Variants in SEMA3A observed in about 807,000 individuals in gnomAD.
SEMA3A encodes semaphorin 3A.
SEMA3A carries 29 observed loss-of-function variants against 97.9 expected under a neutral mutation model. The observed-to-expected ratio is 0.30, with a 90% confidence interval of 0.22 to 0.40. SEMA3A has a LOEUF of 0.40. Among genes scored for constraint, SEMA3A ranks in the 10% least tolerant of loss-of-function variants. SEMA3A has a pLI of 1.00. For missense variants in SEMA3A, 763 were observed against 951.3 expected, an observed-to-expected ratio of 0.80 and a Z score of 2.60; for synonymous variants, 321 against 323.7, an observed-to-expected ratio of 0.99 and a Z score of 0.09.
chr7:84,278,714 A>G (rs1427486004), intron 3 of SEMA3A, among the ~76,000 whole-genome samples: 1 of 152,072 alleles, frequency 6.6e-6, no homozygotes, highest in Non-Finnish European at 1.5e-5. Context: ...GAGGCGCCTC[A>G]CTTTTAAACA....
At chr7:84,260,729 G>A (rs534225469) in intron 3 of SEMA3A, among the ~76,000 whole-genome samples, 2 of 152,300 alleles carry the variant, frequency 1.3e-5, no homozygotes, top group African/African-American at 2.4e-5. Context: ...GGAGGCCAAG[G>A]GGGGGACTGA....
chr7:84,082,570 T>C (rs562808076), intron 4 of SEMA3A, among the ~76,000 whole-genome samples: 1 of 152,238 alleles, frequency 6.6e-6, no homozygotes, highest in South Asian at 2.1e-4. Context: ...TTTATGATCA[T>C]GTATAAAGAC....
intron 13 of SEMA3A, among the ~76,000 whole-genome samples, chr7:83,982,060 C>G (rs1459921300): frequency 6.6e-6 from 1 of 152,084 alleles, no homozygotes; most frequent in Non-Finnish European, 1.5e-5. Flanking sequence ...AAATTACTAC[C>G]CTTCAAAACG....
At chr7:84,171,091 A>G (rs1486962318) in intron 1 of SEMA3A, among the ~76,000 whole-genome samples, 1 of 152,124 alleles carries the variant, frequency 6.6e-6, no homozygotes, top group African/African-American at 2.4e-5. Context: ...CCAGTGATGG[A>G]ATACACTATC....
At chr7:84,428,483 T>C (rs980022380) in intron 1 of SEMA3A, among the ~76,000 whole-genome samples, 3 of 152,046 alleles carry the variant, frequency 2.0e-5, no homozygotes, top group African/African-American at 7.2e-5. Flanking sequence ...TAAAAAACAT[T>C]GGTACTACAT....
chr7:84,265,907 C>T (rs1799986223), intron 3 of SEMA3A, among the ~76,000 whole-genome samples: 1 of 152,066 alleles, frequency 6.6e-6, no homozygotes, highest in South Asian at 2.1e-4. Flanking sequence ...AGAAACAATG[C>T]TAGAAAATTT....
intron 14 of SEMA3A, among the ~76,000 whole-genome samples, chr7:83,978,745 C>T (rs1478194655): frequency 6.6e-6 from 1 of 152,114 alleles, no homozygotes; most frequent in African/African-American, 2.4e-5. Context: ...GAAACACGAA[C>T]TACAAAGCAT....
chr7:84,284,214 A>T (rs1021821048), intron 3 of SEMA3A, among the ~76,000 whole-genome samples: 1 of 152,156 alleles, frequency 6.6e-6, no homozygotes, highest in African/African-American at 2.4e-5. Context: ...TGCTATGTGT[A>T]TCTGTCTCTG....
chr7:84,090,122 C>CAA (rs1481260048), intron 4 of SEMA3A, among the ~76,000 whole-genome samples: 2 of 151,906 alleles, frequency 1.3e-5, no homozygotes, highest in East Asian at 3.9e-4. Flanking sequence ...AAATATTATA[C>CAA]AAGATAGTTT....
At chr7:84,148,888 G>T (rs1160268026) in intron 1 of SEMA3A, among the ~76,000 whole-genome samples, 3 of 152,120 alleles carry the variant, frequency 2.0e-5, no homozygotes, top group Non-Finnish European at 4.4e-5. Flanking sequence ...TTCATTAGAA[G>T]AATATAGTGT....
intron 2 of SEMA3A, among the ~76,000 whole-genome samples, chr7:84,358,311 G>A (rs1802623092): frequency 6.6e-6 from 1 of 152,088 alleles, no homozygotes; most frequent in Non-Finnish European, 1.5e-5. Context: ...ATTAATTTTT[G>A]TATAAGGTGT....
intron 5 of SEMA3A, among the ~76,000 whole-genome samples, chr7:84,050,118 T>C (rs1237901109): frequency 2.0e-5 from 3 of 151,774 alleles, no homozygotes; most frequent in African/African-American, 4.8e-5. Flanking sequence ...CTATCATTGT[T>C]GGACATTTGG....
chr7:84,180,464 G>A (rs1006800155), intron 1 of SEMA3A, among the ~76,000 whole-genome samples: 1 of 152,052 alleles, frequency 6.6e-6, no homozygotes, highest in African/African-American at 2.4e-5. Flanking sequence ...GAGGCAGGTG[G>A]ATCAACTGAG....
intron 2 of SEMA3A, among the ~76,000 whole-genome samples, chr7:84,338,878 G>A (rs1245969449): frequency 6.6e-6 from 1 of 152,134 alleles, no homozygotes; most frequent in Non-Finnish European, 1.5e-5. Flanking sequence ...AATCACCGAT[G>A]GGAACAAGAG....
At chr7:84,223,965 A>C (rs192587229) in intron 3 of SEMA3A, among the ~76,000 whole-genome samples, 10 of 152,042 alleles carry the variant, frequency 6.6e-5, no homozygotes, top group Non-Finnish European at 4.4e-5. Flanking sequence ...TATGGAAATA[A>C]AAGTGCATGG....
chr7:84,441,834 C>A (rs957054804), intron 1 of SEMA3A, among the ~76,000 whole-genome samples: 24 of 152,134 alleles, frequency 1.6e-4, no homozygotes, highest in African/African-American at 5.8e-4. Context: ...AGATCATCAG[C>A]AAATTTCTTT....
chr7:84,404,212 G>C (rs1803996326), intron 1 of SEMA3A, among the ~76,000 whole-genome samples: 1 of 152,174 alleles, frequency 6.6e-6, no homozygotes, highest in African/African-American at 2.4e-5. Flanking sequence ...ACCTGATGGA[G>C]CTGAAAACCA....
At chr7:84,141,663 C>T (rs1796294809) in intron 1 of SEMA3A, among the ~76,000 whole-genome samples, 1 of 152,062 alleles carries the variant, frequency 6.6e-6, no homozygotes, top group Non-Finnish European at 1.5e-5. Flanking sequence ...CCCTTCCTCC[C>T]ACCCTCCACC....
chr7:84,189,622 G>A (rs543840871), intron 1 of SEMA3A, among the ~76,000 whole-genome samples: 1 of 151,552 alleles, frequency 6.6e-6, no homozygotes, highest in Non-Finnish European at 1.5e-5. Context: ...TTCTTAAAAT[G>A]CAAACCTGAA....
Sources: gnomAD v4.1 joint callset for allele counts (sites outside exome capture counted in the v4.1 genomes callset) on GRCh38, gnomAD v4.1.1 for gene constraint, MANE v1.5 for transcripts, NCBI Gene and HGNC (gene_info 2026-07-23, HGNC 2026-07-21) for gene names.